C16orf74: variants seen among roughly 807,000 people sequenced by gnomAD.
C16orf74 encodes the protein calcimembrin.
Under a neutral mutation model 6.5 loss-of-function variants are expected in C16orf74, and 10 were observed. The observed-to-expected ratio is 1.54, with a 90% CI of 0.95 to 2.61. The LOEUF (loss-of-function observed/expected upper bound fraction) is 2.61, where lower values mean the gene tolerates loss of function less well. Among genes scored for constraint, C16orf74 ranks in the 30% most tolerant of loss-of-function variants. C16orf74 has a pLI of 0.00. For missense variants in C16orf74, 141 were observed against 105.9 expected (o/e 1.33, Z -1.45); for synonymous variants, 60 against 42.5 (o/e 1.41, Z -1.60).
intron 2 of C16orf74, among the ~76,000 whole-genome samples, chr16:85,714,959 A>C (rs1281105505): frequency 1.3e-5 from 2 of 151,022 alleles, no homozygotes; most frequent in Non-Finnish European, 3.0e-5. Context: ...GATCGAGACC[A>C]TCCTGGCTAA....
At chr16:85,726,895 C>A (rs2054139441) in intron 2 of C16orf74, among the ~76,000 whole-genome samples, 1 of 152,172 alleles carries the variant, frequency 6.6e-6, no homozygotes, top group African/African-American at 2.4e-5. Flanking sequence ...GTTTCTGCTA[C>A]CGGAAACAGC....
chr16:85,711,829 A>G (rs2053973710), intron 2 of C16orf74, among the ~76,000 whole-genome samples: 1 of 152,068 alleles, frequency 6.6e-6, no homozygotes. Flanking sequence ...TATTTTTCCT[A>G]CTGTTCTCAG....
chr16:85,740,661 C>G (rs1483780407), intron 1 of C16orf74, among the ~76,000 whole-genome samples: 1 of 147,764 alleles, frequency 6.8e-6, no homozygotes, highest in Non-Finnish European at 1.5e-5. Context: ...CACTGCACTC[C>G]AGCGTGGGGC....
At chr16:85,745,055 C>T (rs1206144949) in intron 1 of C16orf74, among the ~76,000 whole-genome samples, 5 of 143,782 alleles carry the variant, frequency 3.5e-5, no homozygotes, top group Non-Finnish European at 7.5e-5. Flanking sequence ...GCAGGAGAAT[C>T]GCTTGAACCT....
At chr16:85,748,925 A>ATTTTTTTTTTTTTTTTTTT (rs748594620) in intron 1 of C16orf74, among the ~76,000 whole-genome samples, 3 of 73,120 alleles carry the variant, frequency 4.1e-5, no homozygotes, top group African/African-American at 1.0e-4. Context: ...GGAGGCTTTG[A>ATTTTTTTTTTTTTTTTTTT]TTTTTTTTTT....
intron 1 of C16orf74, among the ~76,000 whole-genome samples, chr16:85,740,053 T>C (rs531136502): frequency 4.7e-4 from 67 of 143,142 alleles, no homozygotes; most frequent in Non-Finnish European, 9.0e-4. Context: ...CTACTAAAAA[T>C]ACAAAAATTA....
intron 2 of C16orf74, among the ~76,000 whole-genome samples, chr16:85,723,856 G>A (rs2054106826): frequency 6.6e-6 from 1 of 152,222 alleles, no homozygotes. Context: ...GGCTGCCCCT[G>A]CCCAGACACA....
At chr16:85,724,069 C>T (rs916444792) in intron 2 of C16orf74, among the ~76,000 whole-genome samples, 1 of 151,994 alleles carries the variant, frequency 6.6e-6, no homozygotes, top group South Asian at 2.1e-4. Context: ...GCAGTGGCAC[C>T]GGGCTACGTT....
At chr16:85,719,495 G>C (rs559793278) in intron 2 of C16orf74, among the ~76,000 whole-genome samples, 70 of 152,250 alleles carry the variant, frequency 4.6e-4, no homozygotes, top group African/African-American at 1.6e-3. Context: ...CTCCCAGTGA[G>C]GCAGCCCCCA....
At chr16:85,742,500 G>A (rs537267218) in intron 1 of C16orf74, among the ~76,000 whole-genome samples, 1 of 152,250 alleles carries the variant, frequency 6.6e-6, no homozygotes, top group South Asian at 2.1e-4. Context: ...TCACCATCCT[G>A]GCGCCATGTT....
intron 1 of C16orf74, among the ~76,000 whole-genome samples, chr16:85,744,700 G>C (rs1410119635): frequency 1.3e-5 from 2 of 151,844 alleles, no homozygotes; most frequent in East Asian, 1.9e-4. Context: ...CATGGTGGCA[G>C]GCGCCTGTAG....
chr16:85,719,160 C>A (rs1460153082), intron 2 of C16orf74, among the ~76,000 whole-genome samples: 1 of 152,242 alleles, frequency 6.6e-6, no homozygotes, highest in Non-Finnish European at 1.5e-5. Flanking sequence ...CACCCCAGCT[C>A]TGAGCCTGGG....
intron 1 of C16orf74, chr16:85,741,571 G>T (rs1350459840): frequency 5.9e-6 from 1 of 170,458 alleles, no homozygotes; most frequent in Non-Finnish European, 1.5e-5. Context: ...ACTCCCACGT[G>T]GAGAGTTTTC....
At chr16:85,747,105 A>T (rs1218338641) in intron 1 of C16orf74, among the ~76,000 whole-genome samples, 1 of 152,170 alleles carries the variant, frequency 6.6e-6, no homozygotes, top group African/African-American at 2.4e-5. Flanking sequence ...CCCACGGATG[A>T]GCCGTGTGAC....
chr16:85,746,781 G>A (rs2054377958), intron 1 of C16orf74, among the ~76,000 whole-genome samples: 1 of 152,208 alleles, frequency 6.6e-6, no homozygotes, highest in South Asian at 2.1e-4. Context: ...AGAGAGTGCG[G>A]GCAAGCGGGG....
chr16:85,708,919 G>C lies in C16orf74; in HGVS notation c.173-853C>G, dbSNP rs1039131899. Among the ~76,000 whole-genome samples the C allele has an allele frequency of 2.0e-5, 3 of 152,400 alleles. No homozygotes were observed. In the South Asian group the frequency reaches 6.2e-4, roughly 32 times the overall value. On this transcript the variant is annotated intron_variant, in intron 3 of 3. Coordinates refer to ENST00000284245, the MANE Select transcript of C16orf74 (RefSeq NM_206967.3). Reference sequence around the variant, plus strand: ...GAGACCCATGTCATGATGGCTGTCAGCTAACTGATGCCACTTGCGGGGAGG... The same window carrying C: ...GAGACCCATGTCATGATGGCTGTCACCTAACTGATGCCACTTGCGGGGAGG...
At position 85,745,139 on chromosome 16, in the gene C16orf74, T is replaced by TAAAAA. The variant is rs10554549; in HGVS notation, c.-19+5782_-19+5786dup. ...CTGGGCAACAAGACGAAACTCTGTCTAAAAAAAAAAAAAAAAAAAAAAAAA... is the reference window on the plus strand; with the variant it reads ...CTGGGCAACAAGACGAAACTCTGTCTAAAAAAAAAAAAAAAAAAAAAAAAAAAAAA... On this transcript the variant is annotated intron_variant, in intron 1 of 3. Transcript: ENST00000284245. 9.8e-5 allele frequency among the ~76,000 whole-genome samples: 5 copies of TAAAAA among 51,008 alleles called. 1 individual carries two copies. Among genetic ancestry groups the TAAAAA allele is most frequent in the African/African-American group, 4.5e-4 (5 of 11,150 alleles). The allele number at this position is 51,008 out of a possible 152,430, so 33.5% of individuals were successfully genotyped here.
intron 2 of C16orf74, among the ~76,000 whole-genome samples, chr16:85,727,756 G>A (rs189984035): frequency 5.2e-4 from 79 of 152,116 alleles, no homozygotes; most frequent in Non-Finnish European, 9.4e-4. Flanking sequence ...GGAGGTTGCA[G>A]TGAGCTGAGG....
intron 1 of C16orf74, among the ~76,000 whole-genome samples, chr16:85,736,908 G>A (rs2054251060): frequency 6.6e-6 from 1 of 152,202 alleles, no homozygotes; most frequent in African/African-American, 2.4e-5. Flanking sequence ...GCCAGGCATG[G>A]TGGTGGGTGC....
Sources: allele counts gnomAD v4.1 joint callset (sites outside exome capture counted in the v4.1 genomes callset), GRCh38; gene constraint gnomAD v4.1.1; transcripts MANE v1.5; gene names NCBI Gene and HGNC (gene_info 2026-07-23, HGNC 2026-07-21).